The following HERC1 variants were observed in gnomAD, a reference collection of about 807,000 sequenced individuals.
The protein encoded by HERC1 is probable E3 ubiquitin-protein ligase HERC1.
Under a neutral mutation model 554.3 loss-of-function variants are expected in HERC1, and 160 were observed. The observed-to-expected ratio is 0.29, with a 90% CI of 0.25 to 0.33. The LOEUF (loss-of-function observed/expected upper bound fraction) is 0.33, where lower values mean the gene tolerates loss of function less well. Among genes scored for constraint, HERC1 ranks in the 10% least tolerant of loss-of-function variants. The pLI is 1.00. For synonymous variants in HERC1, 2,175 were observed against 2,131.7 expected (o/e 1.02, Z -0.56); for missense variants, 4,919 against 5,918.5 (o/e 0.83, Z 5.54).
At chr15:63,779,408 T>G (rs1596233316) in intron 1 of HERC1, among the ~76,000 whole-genome samples, 1 of 152,312 alleles carries the variant, frequency 6.6e-6, no homozygotes, top group East Asian at 1.9e-4. Flanking sequence ...CCAGGCATTA[T>G]TTTAAAACAA....
intron 1 of HERC1, among the ~76,000 whole-genome samples, chr15:63,800,596 C>T (rs2076947352): frequency 6.6e-6 from 1 of 152,174 alleles, no homozygotes; most frequent in Admixed American, 6.5e-5. Context: ...TGACTATACC[C>T]ATGTGAGATT....
chr15:63,611,683 G>A (rs947213451), intron 77 of HERC1, among the ~76,000 whole-genome samples: 1 of 152,206 alleles, frequency 6.6e-6, no homozygotes, highest in Non-Finnish European at 1.5e-5. Flanking sequence ...TTTAACTCAG[G>A]AAGATGCTGG....
chr15:63,675,758 C>T (rs2071167075), intron 37 of HERC1, among the ~76,000 whole-genome samples: 1 of 152,096 alleles, frequency 6.6e-6, no homozygotes, highest in Non-Finnish European at 1.5e-5. Flanking sequence ...TATAATTATA[C>T]AAAATGTAAT....
At chr15:63,613,904 T>C (rs918966525) in intron 76 of HERC1, among the ~76,000 whole-genome samples, 13 of 152,102 alleles carry the variant, frequency 8.5e-5, no homozygotes, top group Non-Finnish European at 1.2e-4. Context: ...TCTCTTCTGA[T>C]AGTAAAGGTC....
intron 74 of HERC1, 71 bp downstream of exon 74, chr15:63,622,744 G>A: frequency 8.4e-7 from 1 of 1,191,834 alleles, no homozygotes; most frequent in Non-Finnish European, 1.2e-6. Flanking sequence ...CTGGTACATA[G>A]TAAGCACTCA....
chr15:63,757,472 G>C (rs1480617573), intron 4 of HERC1, among the ~76,000 whole-genome samples: 1 of 151,790 alleles, frequency 6.6e-6, no homozygotes, highest in Non-Finnish European at 1.5e-5. Context: ...TCACCATGTT[G>C]GTCAAGCTAG....
chr15:63,648,325 T>C, intron 54 of HERC1, 126 bp from the exon 55 acceptor site: 1 of 901,338 alleles, frequency 1.1e-6, no homozygotes. Flanking sequence ...AAATAGCTCT[T>C]TAATGCATTT....
In HERC1 at chr15:63,747,035, G is replaced by A; in HGVS notation, c.2403C>T (p.His801=). The A allele has an allele frequency of 6.3e-7, 1 of 1,596,386 alleles. No homozygotes were observed. Among genetic ancestry groups the A allele is most frequent in the Non-Finnish European group, 8.5e-7 (1 of 1,171,688 alleles). ...LKLCLKLLSN[H]LALALAGGVA... ...CCCCTCCCGCAAGTGCAAGAGCAAG[G>A]TGATTTGAAAGTAGCTTCAGGCACA... The change falls in exon 12 of 78, where the codon CAC becomes CAT. Residue 801 remains histidine (H), a synonymous_variant. Coordinates refer to ENST00000443617, the MANE Select transcript of HERC1 (RefSeq NM_003922.4).
intron 1 of HERC1, among the ~76,000 whole-genome samples, chr15:63,797,044 A>T (rs907425097): frequency 6.6e-6 from 1 of 152,200 alleles, no homozygotes; most frequent in East Asian, 1.9e-4. Flanking sequence ...GGAGGGGGCC[A>T]TTCAGATGGT....
At position 63,630,696 on chromosome 15, in the gene HERC1, A is replaced by G; in HGVS notation, c.12797-61T>C. On this transcript the variant is annotated intron_variant, in intron 68 of 77. Coordinates refer to ENST00000443617, the MANE Select transcript of HERC1 (RefSeq NM_003922.4). The stretch of plus-strand genomic sequence containing the variant: ...ATGCACCACACAACACAGTGCTTTT[A>G]TATTTTCTGATCAGTCATTTAGCTT... 15 of 1,501,696 alleles carry G rather than the reference A, an allele frequency of 1.0e-5. No homozygotes were observed. The South Asian group carries it at 1.8e-4, about 18-fold the overall frequency. The allele number at this position is 1,501,696 out of a possible 1,614,324, so 93.0% of individuals were successfully genotyped here.
intron 3 of HERC1, among the ~76,000 whole-genome samples, chr15:63,761,864 A>C (rs2075622417): frequency 6.6e-6 from 1 of 152,172 alleles, no homozygotes; most frequent in African/African-American, 2.4e-5. Context: ...TATAAATGTA[A>C]AGGTTAAGTA....
chr15:63,692,651 T>G lies in HERC1; in HGVS notation c.5675-85A>C. 1.2e-5 allele frequency: 14 copies of G among 1,127,038 alleles called. No homozygotes were observed. The highest frequency in any genetic ancestry group is 1.7e-5 in the Non-Finnish European group (14 of 813,276). The allele number at this position is 1,127,038 out of a possible 1,614,324, so 69.8% of individuals were successfully genotyped here. A position where few individuals can be genotyped will look rare whatever the true frequency, so the allele number is the denominator to read the frequency against. On this transcript the variant is annotated intron_variant, in intron 30 of 77. Coordinates refer to ENST00000443617, the MANE Select transcript of HERC1 (RefSeq NM_003922.4). The surrounding 1 kb of genome is among the most constrained non-coding windows in gnomAD (Gnocchi z 4.7). ...CACATAATTTACCTTGAAACTGCAG[T>G]AAGCACAAATCTAATGCAAAATCTT...
At position 63,674,836 on chromosome 15, in the gene HERC1, C is replaced by T. The variant is rs779729032; in HGVS notation, c.7352G>A (p.Ser2451Asn). 2.4e-5 allele frequency: 38 copies of T among 1,613,648 alleles called. No homozygotes were observed. Among genetic ancestry groups the T allele is most frequent in the Non-Finnish European group, 3.1e-5 (36 of 1,179,778 alleles). The change falls in exon 38 of 78, where the codon AGT becomes AAT. Residue 2451 changes from serine to asparagine, a missense_variant. Around this residue, in one of 11 missense-constraint regions of HERC1, gnomAD observed 1,963 missense variants for 2,228.6 expected, o/e 0.88. Coordinates refer to ENST00000443617, the MANE Select transcript of HERC1 (RefSeq NM_003922.4). Reference sequence around the variant, plus strand: ...TGATTTGGAGCTTGTGGTACTCTGACTTTTGACGTCATCAGATGTTAGGCC... The same window carrying T: ...TGATTTGGAGCTTGTGGTACTCTGATTTTTGACGTCATCAGATGTTAGGCC... The part of the protein sequence containing the change: ...RTGLTSDDVK[S>N]QSTTSSKSEN...
intron 1 of HERC1, among the ~76,000 whole-genome samples, chr15:63,832,957 C>T (rs2078206363): frequency 6.6e-6 from 1 of 152,164 alleles, no homozygotes; most frequent in African/African-American, 2.4e-5. Flanking sequence ...TCTCTATATT[C>T]TAAGTATTAT....
Position 63,649,838 on chromosome 15 carries a change from T to A in HERC1, c.10634A>T (p.Glu3545Val). The A allele has an allele frequency of 1.9e-6, 3 of 1,613,354 alleles. No individual in the cohort carries two copies. The highest frequency in any genetic ancestry group is 2.5e-6 in the Non-Finnish European group (3 of 1,179,664). Residue 3545 changes from glutamate to valine, a missense_variant, in exon 54 of 78, where the codon GAG (glutamate) becomes GTG (valine). Around this residue, in one of 11 missense-constraint regions of HERC1, gnomAD observed 1,963 missense variants for 2,228.6 expected, o/e 0.88. Transcript: ENST00000443617. ...TCCCACCAACAACAATTCTGGAGAC[T>A]CTCCTGACCAGGCTGTAGCCGGACC... ...EEGPATAWSG[E>V]SPELLLVGRM...
chr15:63,797,172 T>G (rs1454862197), intron 1 of HERC1, among the ~76,000 whole-genome samples: 3 of 152,152 alleles, frequency 2.0e-5, no homozygotes, highest in African/African-American at 7.2e-5. Flanking sequence ...ACCACCTTCA[T>G]AAAACTAATG....
chr15:63,731,980 T>C (rs2074315481), intron 14 of HERC1, among the ~76,000 whole-genome samples: 1 of 152,068 alleles, frequency 6.6e-6, no homozygotes, highest in Non-Finnish European at 1.5e-5. Context: ...GAGCCGATGA[T>C]AAAGGGTCTG....
chr15:63,633,747 C>A, intron 67 of HERC1, 101 bp downstream of exon 67: 1 of 1,272,578 alleles, frequency 7.9e-7, no homozygotes. Context: ...TATGAACTAC[C>A]AAAAGTACTA....
rs1435602778 is a variant in HERC1, at chr15:63,747,749, G to A, written c.2329C>T (p.Pro777Ser). 1.9e-6 allele frequency: 3 copies of A among 1,549,728 alleles called. No homozygotes were observed. The highest frequency in any genetic ancestry group is 1.2e-5 in the South Asian group (1 of 84,002). ...RYCDKINSEIPPLPFPSSREH... is the reference protein window; with the variant it reads ...RYCDKINSEISPLPFPSSREH... ...CTTGATGAAGGGAAAGGGAGTGGGG[G>A]AATCTCACTGTTTATTTTATCACAG... The change falls in exon 11 of 78, where the codon CCC becomes TCC. Residue 777 changes from proline to serine, a missense_variant. Transcript: ENST00000443617.
Sources: allele counts gnomAD v4.1 joint callset (sites outside exome capture counted in the v4.1 genomes callset), GRCh38; gene constraint gnomAD v4.1.1; regional missense constraint gnomAD v4.1.1; non-coding constraint Gnocchi (gnomAD v3.1); transcripts MANE v1.5; gene names NCBI Gene and HGNC (gene_info 2026-07-23, HGNC 2026-07-21).